The following PATJ variants were observed in gnomAD, a reference collection of about 807,000 sequenced individuals.
PATJ encodes PATJ crumbs cell polarity complex component.
Under a neutral mutation model 224.9 loss-of-function variants are expected in PATJ, and 190 were observed. That is an observed-to-expected ratio of 0.84 (90% CI 0.75 to 0.95). PATJ has a LOEUF of 0.95. Ranked by LOEUF, PATJ falls within the 40% of genes least tolerant of loss-of-function variation. The pLI is 0.00. For missense variants in PATJ, 2,121 were observed against 2,270.3 expected (o/e 0.93, Z 1.34); for synonymous variants, 769 against 820.3 (o/e 0.94, Z 1.07).
At chr1:61,877,703 C>T (rs1324320232) in intron 21 of PATJ, among the ~76,000 whole-genome samples, 1 of 152,162 alleles carries the variant, frequency 6.6e-6, no homozygotes, top group Non-Finnish European at 1.5e-5. Context: ...GCCTCTCGTA[C>T]AGCCTGTGGA....
rs190203099 is a variant in PATJ, at chr1:61,950,145, G to A, written c.3670+22316G>A. Among the ~76,000 whole-genome samples, 218 of 150,194 alleles carry A rather than the reference G, an allele frequency of 1.5e-3. 2 individuals are homozygous for A. Among genetic ancestry groups the A allele is most frequent in the Non-Finnish European group, 2.3e-3 (154 of 67,434 alleles). On this transcript the variant is annotated intron_variant, in intron 27 of 43. Transcript: ENST00000642238. Reference sequence around the variant, plus strand: ...CTTGAACCCAGGAGGCGGAGGTTGCGGTGAGCCGAGATCACGCTGCTGCAC... The same window carrying A: ...CTTGAACCCAGGAGGCGGAGGTTGCAGTGAGCCGAGATCACGCTGCTGCAC...
chr1:61,799,989 A>G (rs1018647288), intron 11 of PATJ, among the ~76,000 whole-genome samples: 7 of 152,154 alleles, frequency 4.6e-5, no homozygotes, highest in Admixed American at 1.3e-4. Flanking sequence ...GTATCCTATC[A>G]TCTGTTGATG....
At chr1:61,784,101 C>T (rs529912063) in intron 7 of PATJ, among the ~76,000 whole-genome samples, 1 of 152,288 alleles carries the variant, frequency 6.6e-6, no homozygotes, top group African/African-American at 2.4e-5. Flanking sequence ...CCTGTTGCTT[C>T]AGCTGTTTTA....
chr1:62,111,458 A>T (rs1663801130), intron 34 of PATJ, among the ~76,000 whole-genome samples: 1 of 152,336 alleles, frequency 6.6e-6, no homozygotes. Context: ...CTTACATTGG[A>T]TATAACTGTG....
At chr1:62,035,228 G>C (rs1239143985) in intron 29 of PATJ, among the ~76,000 whole-genome samples, 1 of 152,166 alleles carries the variant, frequency 6.6e-6, no homozygotes, top group Non-Finnish European at 1.5e-5. Context: ...GTCTGCTCAA[G>C]GCACCTGAAA....
chr1:62,044,139 T>A (rs1257739851), intron 30 of PATJ, among the ~76,000 whole-genome samples: 2 of 152,232 alleles, frequency 1.3e-5, no homozygotes, highest in Admixed American at 1.3e-4. Flanking sequence ...TCTACTTTCT[T>A]AGAGATTTTC....
At chr1:62,103,389 G>A (rs1662472139) in intron 33 of PATJ, among the ~76,000 whole-genome samples, 1 of 152,138 alleles carries the variant, frequency 6.6e-6, no homozygotes, top group Admixed American at 6.5e-5. Flanking sequence ...GATTAAATTG[G>A]ACAAATGGGA....
chr1:62,136,693 C>CTGTG (rs1301172971), intron 41 of PATJ, among the ~76,000 whole-genome samples: 2 of 113,788 alleles, frequency 1.8e-5, no homozygotes, highest in African/African-American at 6.7e-5. Context: ...GTGTGTGTGT[C>CTGTG]TGTGTGTGTG....
In PATJ at chr1:62,073,185, A is replaced by G. The variant is rs952753085; in HGVS notation, c.4126-6265A>G. The G allele has an allele frequency of 4.4e-5, 43 of 985,256 alleles. No individual in the cohort carries two copies. The African/African-American group carries it at 6.6e-4, about 15-fold the overall frequency. The allele number at this position is 985,256 out of a possible 1,614,324, so 61.0% of individuals were successfully genotyped here. A position where few individuals can be genotyped will look rare whatever the true frequency, so the allele number is the denominator to read the frequency against. Reference sequence around the variant, plus strand: ...AAGAAAAGGAGGTGATTGCAATGAGATCAGATCTTTTATTACTTGACAGGA... The same window carrying G: ...AAGAAAAGGAGGTGATTGCAATGAGGTCAGATCTTTTATTACTTGACAGGA... On this transcript the variant is annotated intron_variant, in intron 31 of 43. Coordinates refer to ENST00000642238, the MANE Select transcript of PATJ (RefSeq NM_001350145.3).
chr1:61,747,375 A>G (rs954504898), intron 1 of PATJ, among the ~76,000 whole-genome samples: 2 of 133,856 alleles, frequency 1.5e-5, no homozygotes, highest in Non-Finnish European at 1.7e-5. Flanking sequence ...TCCAGCCAGT[A>G]AAGTTTGGAG....
intron 6 of PATJ, 103 bp downstream of exon 6, chr1:61,771,729 T>A: frequency 1.1e-6 from 1 of 915,232 alleles, no homozygotes; most frequent in African/African-American, 1.8e-5. Flanking sequence ...CTTTCCTTTT[T>A]TTTTTTTGAG....
At chr1:61,859,218 G>A (rs772442221) in intron 18 of PATJ, among the ~76,000 whole-genome samples, 5 of 152,084 alleles carry the variant, frequency 3.3e-5, no homozygotes, top group African/African-American at 9.7e-5. Flanking sequence ...ACAAAAACGA[G>A]TTGGTAGCAA....
chr1:62,031,385 CAAA>C (rs900711462), intron 29 of PATJ, among the ~76,000 whole-genome samples: 1 of 152,138 alleles, frequency 6.6e-6, no homozygotes, highest in Non-Finnish European at 1.5e-5. Flanking sequence ...CCCCATCACA[CAAA>C]ATGAAATTTT....
At chr1:61,759,470 C>T (rs1177280533) in intron 1 of PATJ, among the ~76,000 whole-genome samples, 1 of 147,450 alleles carries the variant, frequency 6.8e-6, no homozygotes, top group Non-Finnish European at 1.5e-5. Flanking sequence ...AGTGCAGTGG[C>T]ACGATCCCGG....
chr1:62,092,726 T>TTTTATTTATTTA (rs150393814), intron 33 of PATJ, among the ~76,000 whole-genome samples: 1 of 150,830 alleles, frequency 6.6e-6, no homozygotes, highest in African/African-American at 2.5e-5. Context: ...AGAAAACGAC[T>TTTTATTTATTTA]TTTATTTATT....
chr1:61,852,358 A>G (rs1662964656), intron 17 of PATJ: 2 of 152,154 alleles, frequency 1.3e-5, no homozygotes, highest in African/African-American at 4.8e-5. Context: ...ATTCTTAAAC[A>G]CAATGTTCCT....
rs931642158 is a variant in PATJ at position 61,856,224 on chromosome 1, C to T, written c.2307C>T (p.Ile769=). Residue 769 remains isoleucine, a synonymous_variant, in exon 18 of 44, where the codon ATC becomes ATT. Transcript: ENST00000642238. The part of the protein sequence containing the change: ...AVPPGLVHLG[I]CKPLVEDNEE... ...CACCAGGCCTAGTACACCTTGGCAT[C>T]TGTAAGCCTTTGGTGGTAAGTGTTG... The T allele has an allele frequency of 2.5e-6, 4 of 1,613,338 alleles. No individual in the cohort carries two copies. In the Admixed American group the frequency reaches 5.0e-5, roughly 20 times the overall value.
At chr1:61,929,712 C>T (rs926716027) in intron 27 of PATJ, among the ~76,000 whole-genome samples, 5 of 152,154 alleles carry the variant, frequency 3.3e-5, no homozygotes, top group African/African-American at 7.2e-5. Flanking sequence ...TTACTTAAAA[C>T]TCATTATGAT....
At chr1:61,874,678 C>A (rs1667116828) in intron 20 of PATJ, among the ~76,000 whole-genome samples, 1 of 152,190 alleles carries the variant, frequency 6.6e-6, no homozygotes, top group Non-Finnish European at 1.5e-5. Flanking sequence ...AAGATTGTGA[C>A]TTTGGAAAAC....
Sources: gnomAD v4.1 joint callset for allele counts (sites outside exome capture counted in the v4.1 genomes callset) on GRCh38, gnomAD v4.1.1 for gene constraint, MANE v1.5 for transcripts, NCBI Gene and HGNC (gene_info 2026-07-23, HGNC 2026-07-21) for gene names.